The following DENND1B variants were observed in gnomAD, a reference collection of about 807,000 sequenced individuals.
The protein encoded by DENND1B is DENN domain containing 1B.
Under a neutral mutation model 90.1 loss-of-function variants are expected in DENND1B, and 59 were observed. The observed-to-expected ratio is 0.65, with a 90% confidence interval of 0.53 to 0.81. The LOEUF is 0.81. Among genes scored for constraint, DENND1B ranks in the 40% least tolerant of loss-of-function variants. The pLI, the probability that DENND1B is intolerant of heterozygous loss-of-function variation, is 0.00. For synonymous variants in DENND1B, 337 were observed against 324.6 expected, an observed-to-expected ratio of 1.04 and a Z score of -0.41; for missense variants, 862 against 912.6, an observed-to-expected ratio of 0.94 and a Z score of 0.71.
At chr1:197,745,950 T>C (rs1300991078) in intron 2 of DENND1B, among the ~76,000 whole-genome samples, 1 of 152,128 alleles carries the variant, frequency 6.6e-6, no homozygotes, top group Non-Finnish European at 1.5e-5. Flanking sequence ...ATAAAAAAAT[T>C]AGTAACTCCT....
upstream of DENND1B, among the ~76,000 whole-genome samples, chr1:197,777,072 G>A (rs1189496456): frequency 6.6e-6 from 1 of 151,630 alleles, no homozygotes; most frequent in Admixed American, 6.6e-5. Context: ...AGATTTTTCT[G>A]CATAAGTGAC....
chr1:197,748,551 T>A (rs915442242), intron 2 of DENND1B, among the ~76,000 whole-genome samples: 1 of 152,138 alleles, frequency 6.6e-6, no homozygotes, highest in Non-Finnish European at 1.5e-5. Context: ...TCCTTAGATG[T>A]TGAAGACAAA....
At position 197,676,082 on chromosome 1, in the gene DENND1B, C is replaced by CA. The variant is rs3046951; in HGVS notation, c.127-1914dup. Among the ~76,000 whole-genome samples the CA allele has an allele frequency of 4.1e-4, 47 of 114,908 alleles. 1 individual carries two copies. The highest frequency in any genetic ancestry group is 1.5e-3 in the East Asian group (6 of 3,902). The allele number at this position is 114,908 out of a possible 152,430, so 75.4% of individuals were successfully genotyped here. A position where few individuals can be genotyped will look rare whatever the true frequency, so the allele number is the denominator to read the frequency against. On this transcript the variant is annotated intron_variant, in intron 3 of 22. Coordinates refer to ENST00000620048, the MANE Select transcript of DENND1B (RefSeq NM_001195215.2). Reference sequence around the variant, plus strand: ...TAGACTAGTGTATAAACAGTATAGACAAAAAAAAAAAAAAATCCTCTCTCA... The same window carrying CA: ...TAGACTAGTGTATAAACAGTATAGACAAAAAAAAAAAAAAAATCCTCTCTCA...
At chr1:197,597,010 G>A (rs1394709827) in intron 13 of DENND1B, among the ~76,000 whole-genome samples, 1 of 151,856 alleles carries the variant, frequency 6.6e-6, no homozygotes, top group Non-Finnish European at 1.5e-5. Flanking sequence ...GGCCTTTGCA[G>A]TGTAGGTCTT....
chr1:197,751,675 C>G (rs1480079345), intron 2 of DENND1B, among the ~76,000 whole-genome samples: 3 of 152,018 alleles, frequency 2.0e-5, no homozygotes, highest in Non-Finnish European at 4.4e-5. Context: ...GAAATCTTGT[C>G]TCTACTAAAA....
intron 2 of DENND1B, among the ~76,000 whole-genome samples, chr1:197,767,146 A>C (rs1462839511): frequency 6.6e-6 from 1 of 152,036 alleles, no homozygotes; most frequent in Non-Finnish European, 1.5e-5. Context: ...CAGATGTGTT[A>C]AGTTTTTTCT....
chr1:197,719,363 G>A (rs1014321618), intron 2 of DENND1B, among the ~76,000 whole-genome samples: 2 of 152,094 alleles, frequency 1.3e-5, no homozygotes, highest in South Asian at 4.1e-4. Context: ...AGACAGGAAG[G>A]TTGGAATTCA....
At chr1:197,688,017 C>A (rs1309284142) in intron 3 of DENND1B, among the ~76,000 whole-genome samples, 1 of 151,980 alleles carries the variant, frequency 6.6e-6, no homozygotes, top group Non-Finnish European at 1.5e-5. Flanking sequence ...TGTCTGTATA[C>A]AGTAACATCA....
intron 2 of DENND1B, among the ~76,000 whole-genome samples, chr1:197,755,242 T>C (rs547412087): frequency 1.1e-4 from 17 of 152,210 alleles, no homozygotes; most frequent in East Asian, 1.9e-4. Context: ...CACTTTTCTG[T>C]GCTCCAGTTT....
chr1:197,619,096 T>C (rs1414284630), intron 10 of DENND1B, among the ~76,000 whole-genome samples: 1 of 151,246 alleles, frequency 6.6e-6, no homozygotes, highest in Non-Finnish European at 1.5e-5. Context: ...TGTATTTTGA[T>C]TTCACTTAGG....
intron 6 of DENND1B, 151 bp downstream of exon 6, chr1:197,658,149 G>T: frequency 1.5e-6 from 1 of 680,596 alleles, no homozygotes; most frequent in East Asian, 2.7e-5. Flanking sequence ...TTTTAGACTG[G>T]CAAGGAAAAA....
intron 2 of DENND1B, among the ~76,000 whole-genome samples, chr1:197,741,708 A>C (rs1040029814): frequency 2.6e-5 from 4 of 152,182 alleles, no homozygotes; most frequent in Admixed American, 6.5e-5. Context: ...AAAGAATTTA[A>C]AATTTCAGTT....
intron 2 of DENND1B, among the ~76,000 whole-genome samples, chr1:197,723,265 T>G (rs939305557): frequency 2.0e-5 from 3 of 152,142 alleles, no homozygotes; most frequent in Non-Finnish European, 2.9e-5. Flanking sequence ...AATCTCCTGA[T>G]AGAGTAATTC....
At chr1:197,517,515 CTG>C (rs1352200179) in intron 20 of DENND1B, among the ~76,000 whole-genome samples, 1 of 151,830 alleles carries the variant, frequency 6.6e-6, no homozygotes, top group Non-Finnish European at 1.5e-5. Context: ...CCTCTTTGCA[CTG>C]TCTTTGTCTA....
chr1:197,568,903 A>C (rs1045219735), intron 15 of DENND1B, among the ~76,000 whole-genome samples: 6 of 152,180 alleles, frequency 3.9e-5, no homozygotes, highest in Admixed American at 1.3e-4. Context: ...GTCTGAGCAA[A>C]GATTTTTTGG....
At chr1:197,701,947 A>G (rs1481968328) in intron 3 of DENND1B, among the ~76,000 whole-genome samples, 2 of 152,194 alleles carry the variant, frequency 1.3e-5, no homozygotes, top group Admixed American at 1.3e-4. Flanking sequence ...ACACAGTATA[A>G]CTAAAAACAC....
intron 2 of DENND1B, chr1:197,746,934 G>C (rs1430000298): frequency 1.4e-6 from 2 of 1,473,262 alleles, no homozygotes; most frequent in African/African-American, 2.8e-5. Context: ...TGGTTTTTCT[G>C]AGTTCCTCAG....
rs145845027 is a variant in DENND1B at position 197,523,928 on chromosome 1, C to T, written c.1516-10975G>A. ...GGACAACATGCATGAATAGATGGAA[C>T]GATAGCAGAGAAATGGAATCTATTT... On this transcript the variant is annotated intron_variant, in intron 20 of 22. Transcript: ENST00000620048. Among the ~76,000 whole-genome samples the T allele has an allele frequency of 2.9e-3, 409 of 143,396 alleles. 5 individuals carry two copies. The Middle Eastern group carries it at 0.037, about 13-fold the overall frequency. 94.1% of individuals were successfully genotyped at this position (143,396 alleles called of 152,430 possible). A position where few individuals can be genotyped will look rare whatever the true frequency, so the allele number is the denominator to read the frequency against.
At chr1:197,636,383 T>C (rs1295086135) in intron 10 of DENND1B, among the ~76,000 whole-genome samples, 2 of 152,152 alleles carry the variant, frequency 1.3e-5, no homozygotes, top group African/African-American at 4.8e-5. Flanking sequence ...GGATACTATA[T>C]TGGGGCAGAA....
Sources: allele counts gnomAD v4.1 joint callset (sites outside exome capture counted in the v4.1 genomes callset), GRCh38; gene constraint gnomAD v4.1.1; transcripts MANE v1.5; gene names NCBI Gene and HGNC (gene_info 2026-07-23, HGNC 2026-07-21).